Variants in DNAH3 observed in about 807,000 individuals in gnomAD.
DNAH3 encodes the protein dynein axonemal heavy chain 3.
Under a neutral mutation model 432.5 loss-of-function variants are expected in DNAH3, and 332 were observed. The observed-to-expected ratio is 0.77, with a 90% CI of 0.70 to 0.84. DNAH3 has a LOEUF of 0.84. DNAH3 is among the 40% of genes least tolerant of loss of function. DNAH3 has a pLI of 0.00. For missense variants in DNAH3, 4,861 were observed against 5,114.0 expected (o/e 0.95, Z 1.51); for synonymous variants, 1,956 against 1,900.2 (o/e 1.03, Z -0.76).
intron 1 of DNAH3, among the ~76,000 whole-genome samples, chr16:21,156,820 G>A (rs1338978052): frequency 6.6e-6 from 1 of 152,104 alleles, no homozygotes; most frequent in Non-Finnish European, 1.5e-5. Context: ...ATCACACAAA[G>A]ACAAGCAAAA....
intron 47 of DNAH3, among the ~76,000 whole-genome samples, chr16:20,986,518 A>AT (rs147219758): frequency 0.025 from 3,816 of 151,844 alleles, 179 homozygotes; most frequent in African/African-American, 0.087. Flanking sequence ...AAAAATAAAT[A>AT]TTTTTTTTGT....
In DNAH3 at chr16:20,944,582, TG is replaced by T. The variant is rs935526241; in HGVS notation, c.11424del (p.Asp3810ThrfsTer14). The T allele has an allele frequency of 6.2e-7, 1 of 1,614,088 alleles. No homozygotes were observed. Among genetic ancestry groups the T allele is most frequent in the African/African-American group, 1.3e-5 (1 of 75,010 alleles). On this transcript the variant is annotated frameshift_variant, in exon 58 of 62. Transcript: ENST00000261383. LOFTEE classifies it high-confidence loss of function. ...AGCTGGTTGGTTTCCTGGTTGTCTT[TG>T]GTGATGTCTGCGTTCTCATGGAGGC...
chr16:21,086,397 CAA>C (rs2091372249), intron 19 of DNAH3, among the ~76,000 whole-genome samples: 1 of 152,162 alleles, frequency 6.6e-6, no homozygotes, highest in Non-Finnish European at 1.5e-5. Context: ...AATGCCACAC[CAA>C]AGTCATCCTA....
intron 48 of DNAH3, among the ~76,000 whole-genome samples, chr16:20,984,029 G>GAAAAAAGAAA (rs2086051499): frequency 8.9e-6 from 1 of 112,138 alleles, no homozygotes; most frequent in African/African-American, 3.5e-5. Flanking sequence ...CCTATATCCA[G>GAAAAAAGAAA]AAAAAAAAAA....
chr16:21,049,972 C>T, exon 30 of DNAH3: 5 of 1,614,184 alleles, frequency 3.1e-6, no homozygotes, highest in Non-Finnish European at 3.4e-6. Context: ...CCAGCTGGAC[C>T]CTCTGGAGCA....
chr16:20,984,409 C>T (rs2086085198), intron 48 of DNAH3, among the ~76,000 whole-genome samples: 1 of 152,000 alleles, frequency 6.6e-6, no homozygotes, highest in Non-Finnish European at 1.5e-5. Context: ...TATGAGACAG[C>T]TGGAGGTAAC....
chr16:21,099,054 T>C (rs2091768375), intron 16 of DNAH3, among the ~76,000 whole-genome samples: 1 of 152,216 alleles, frequency 6.6e-6, no homozygotes, highest in Non-Finnish European at 1.5e-5. Context: ...TAAATACGTA[T>C]AAGATATATG....
At chr16:20,968,767 C>T (rs987848385) in intron 52 of DNAH3, among the ~76,000 whole-genome samples, 1 of 151,844 alleles carries the variant, frequency 6.6e-6, no homozygotes, top group Non-Finnish European at 1.5e-5. Context: ...TTTTCCATTC[C>T]CCACTCCTGC....
exon 54 of DNAH3, chr16:20,959,236 G>A: frequency 8.1e-6 from 13 of 1,614,162 alleles, no homozygotes; most frequent in Non-Finnish European, 1.0e-5. Context: ...CTTCTCCAGG[G>A]TAGGCATCCA....
exon 42 of DNAH3, chr16:21,003,124 T>C: frequency 6.2e-7 from 1 of 1,611,928 alleles, no homozygotes; most frequent in South Asian, 1.1e-5. Context: ...GCTGGAACTT[T>C]TTCCTCCTCT....
chr16:21,104,871 C>G (rs893451970), intron 15 of DNAH3, among the ~76,000 whole-genome samples: 2 of 152,188 alleles, frequency 1.3e-5, no homozygotes, highest in Non-Finnish European at 2.9e-5. Flanking sequence ...GAATTCAAAT[C>G]CAGGTCTAAT....
At chr16:21,144,719 G>A (rs79601919) in intron 3 of DNAH3, among the ~76,000 whole-genome samples, 305 of 152,254 alleles carry the variant, frequency 2.0e-3, no homozygotes, top group African/African-American at 6.8e-3. Context: ...AATGTTAGCC[G>A]TTTGCAATCA....
intron 53 of DNAH3, among the ~76,000 whole-genome samples, chr16:20,962,833 TG>T (rs1016174965): frequency 6.6e-6 from 1 of 152,122 alleles, no homozygotes; most frequent in African/African-American, 2.4e-5. Flanking sequence ...AATTTTTTAA[TG>T]TTTTATAGCA....
At chr16:21,088,248 G>C (rs911264022) in intron 18 of DNAH3, among the ~76,000 whole-genome samples, 1 of 152,028 alleles carries the variant, frequency 6.6e-6, no homozygotes, top group South Asian at 2.1e-4. Flanking sequence ...GTAGGTGCTG[G>C]GCTAGAATAG....
intron 23 of DNAH3, among the ~76,000 whole-genome samples, chr16:21,069,050 G>A (rs570032225): frequency 2.2e-4 from 34 of 151,986 alleles, no homozygotes; most frequent in South Asian, 8.3e-4. Flanking sequence ...TCAGCCCTCC[G>A]AGTAGCTGGG....
chr16:21,120,512 G>A, intron 11 of DNAH3: 1 of 588,044 alleles, frequency 1.7e-6, no homozygotes, highest in Non-Finnish European at 3.0e-6. Context: ...CAACCTGCAG[G>A]ACTATGTTTT....
intron 3 of DNAH3, among the ~76,000 whole-genome samples, chr16:21,143,738 C>T (rs548762845): frequency 1.7e-4 from 26 of 152,102 alleles, no homozygotes; most frequent in Non-Finnish European, 3.5e-4. Context: ...ACACAAATAA[C>T]ACTGGTAAGA....
chr16:21,010,890 TTTTTTTTTTTTG>T (rs1044886696), intron 41 of DNAH3, among the ~76,000 whole-genome samples: 2 of 68,696 alleles, frequency 2.9e-5, no homozygotes, highest in African/African-American at 5.3e-5. Flanking sequence ...CAAAACCTGT[TTTTTTTTTTTTG>T]TTTTTTTTTG....
At chr16:21,100,192 C>T (rs2152794886) in intron 16 of DNAH3, among the ~76,000 whole-genome samples, 1 of 152,266 alleles carries the variant, frequency 6.6e-6, no homozygotes, top group African/African-American at 2.4e-5. Flanking sequence ...CAGCCACAGC[C>T]TCCCAAGTAG....
Sources: allele counts gnomAD v4.1 joint callset (sites outside exome capture counted in the v4.1 genomes callset), GRCh38; gene constraint gnomAD v4.1.1; transcripts MANE v1.5; gene names NCBI Gene and HGNC (gene_info 2026-07-23, HGNC 2026-07-21).